HCLS1: variants seen among roughly 807,000 people sequenced by gnomAD.
HCLS1 encodes the protein hematopoietic cell-specific Lyn substrate 1.
A neutral mutation model predicts 68.6 loss-of-function variants in HCLS1; 44 were observed. The ratio of observed to expected loss-of-function variants is 0.64; its 90% confidence interval spans 0.50 to 0.82. The LOEUF (loss-of-function observed/expected upper bound fraction) is 0.82. HCLS1 is among the 40% of genes least tolerant of loss of function. The probability of loss-of-function intolerance (pLI) is 0.00; values close to 1 mark genes in which losing one functional copy is unlikely to be tolerated. For synonymous variants in HCLS1, 217 were observed against 225.8 expected, an observed-to-expected ratio of 0.96 and a Z score of 0.35; for missense variants, 602 against 612.1, an observed-to-expected ratio of 0.98 and a Z score of 0.17.
chr3:121,649,607 G>C (rs1216251560), intron 3 of HCLS1, among the ~76,000 whole-genome samples: 2 of 152,164 alleles, frequency 1.3e-5, no homozygotes, highest in Non-Finnish European at 2.9e-5. Context: ...GTGAGGTACT[G>C]TTAGGCTCTG....
intron 3 of HCLS1, among the ~76,000 whole-genome samples, chr3:121,651,912 A>G (rs1191406685): frequency 4.6e-5 from 7 of 152,248 alleles, no homozygotes; most frequent in Admixed American, 4.6e-4. Context: ...AGAAATAAGG[A>G]TATGTCAACA....
chr3:121,660,351 T>C (rs1042799400), intron 1 of HCLS1, among the ~76,000 whole-genome samples: 4 of 152,318 alleles, frequency 2.6e-5, no homozygotes, highest in African/African-American at 9.6e-5. Flanking sequence ...AGCAGAACAA[T>C]CATGCCTTCT....
At chr3:121,655,630 G>A (rs1937846877) in intron 3 of HCLS1, 1 of 148,010 alleles carries the variant, frequency 6.8e-6, no homozygotes, top group African/African-American at 2.5e-5. Flanking sequence ...ACAATTCCCA[G>A]AATACCAGCG....
chr3:121,655,823 C>CATTTATTTATTT (rs58817111), intron 3 of HCLS1, among the ~76,000 whole-genome samples: 193 of 137,892 alleles, frequency 1.4e-3, no homozygotes, highest in Middle Eastern at 3.6e-3. Flanking sequence ...TAATTGAAAC[C>CATTTATTTATTT]ATTTATTTAT....
chr3:121,657,486 C>T (rs933193498), intron 2 of HCLS1, 134 bp from the exon 3 acceptor site: 2 of 741,166 alleles, frequency 2.7e-6, no homozygotes, highest in East Asian at 2.6e-5. Flanking sequence ...ATTCACATCC[C>T]CTCTATATTT....
intron 1 of HCLS1, among the ~76,000 whole-genome samples, chr3:121,660,204 T>C (rs1238553755): frequency 6.6e-6 from 1 of 152,226 alleles, no homozygotes; most frequent in Non-Finnish European, 1.5e-5. Context: ...ATACTAACTT[T>C]AATAATTTGG....
At chr3:121,636,068 GC>G (rs2049148996) in intron 8 of HCLS1, among the ~76,000 whole-genome samples, 1 of 152,200 alleles carries the variant, frequency 6.6e-6, no homozygotes, top group East Asian at 1.9e-4. Context: ...ATGTAGCAGG[GC>G]CCCCTGGCTC....
intron 6 of HCLS1, among the ~76,000 whole-genome samples, chr3:121,637,762 C>T (rs1576462163): frequency 6.6e-6 from 1 of 152,088 alleles, no homozygotes; most frequent in South Asian, 2.1e-4. Context: ...TGGGGAAACC[C>T]TGTCTCTACT....
At chr3:121,657,431 C>T in intron 2 of HCLS1, 79 bp from the exon 3 acceptor site, 1 of 1,226,466 alleles carries the variant, frequency 8.2e-7, no homozygotes, top group South Asian at 1.2e-5. Context: ...TGACACATGC[C>T]CTCCATGTCC....
In HCLS1 at chr3:121,631,758, A is replaced by G. The variant is rs2049099556; in HGVS notation, c.*88T>C. 7.0e-6 allele frequency: 10 copies of G among 1,424,002 alleles called. No individual in the cohort carries two copies. The highest frequency in any genetic ancestry group is 4.1e-4 in the Middle Eastern group (2 of 4,922). 88.2% of individuals were successfully genotyped at this position (1,424,002 alleles called of 1,614,324 possible). On this transcript the variant is annotated 3_prime_UTR_variant, in exon 14 of 14. Coordinates refer to ENST00000314583, the MANE Select transcript of HCLS1 (RefSeq NM_005335.6). Reference sequence around the variant, plus strand: ...AGTCTGTCCAGAACCTCATCTGGTTAGACATTTGCAGCAGGAATAGGGAGG... The same window carrying G: ...AGTCTGTCCAGAACCTCATCTGGTTGGACATTTGCAGCAGGAATAGGGAGG...
At chr3:121,659,014 A>G (rs904254508) in intron 1 of HCLS1, among the ~76,000 whole-genome samples, 1 of 152,204 alleles carries the variant, frequency 6.6e-6, no homozygotes, top group Non-Finnish European at 1.5e-5. Context: ...TTATTACTCA[A>G]TTTTTTAAAA....
At chr3:121,659,405 C>T (rs1045301047) in intron 1 of HCLS1, among the ~76,000 whole-genome samples, 1 of 152,164 alleles carries the variant, frequency 6.6e-6, no homozygotes, top group African/African-American at 2.4e-5. Flanking sequence ...CCTCAGACAC[C>T]TCATCCCATT....
intron 1 of HCLS1, among the ~76,000 whole-genome samples, chr3:121,659,650 A>G (rs1937949186): frequency 6.6e-6 from 1 of 152,186 alleles, no homozygotes; most frequent in African/African-American, 2.4e-5. Flanking sequence ...GCCGGGAGTC[A>G]TGGCTGAAAG....
chr3:121,648,780 A>T (rs1405037823), intron 3 of HCLS1, among the ~76,000 whole-genome samples: 1 of 152,192 alleles, frequency 6.6e-6, no homozygotes, highest in African/African-American at 2.4e-5. Flanking sequence ...TATGAACCAG[A>T]TGAAATTAAG....
chr3:121,658,642 T>C (rs1461838055), intron 1 of HCLS1, among the ~76,000 whole-genome samples: 1 of 152,194 alleles, frequency 6.6e-6, no homozygotes, highest in African/African-American at 2.4e-5. Context: ...GAGTCAAAAT[T>C]GCTGGAATTG....
rs2108856512 is a variant in HCLS1, at chr3:121,634,234, G to A, written c.876C>T (p.Ala292=). The change falls in exon 10 of 14, where the codon GCC becomes GCT. Residue 292 remains alanine, a synonymous_variant. Coordinates refer to ENST00000314583, the MANE Select transcript of HCLS1 (RefSeq NM_005335.6). ...CTGAGGAGATTTTCTTGGGCAGTGG[G>A]GCCGGTACTGCTGGCTCTTCCATAG... ...VIAMEEPAVP[A]PLPKKISSEA... 1 of 1,614,132 alleles carries A rather than the reference G, an allele frequency of 6.2e-7. No individual in the cohort carries two copies. Among genetic ancestry groups the A allele is most frequent in the Non-Finnish European group, 8.5e-7 (1 of 1,180,024 alleles).
chr3:121,637,025 G>C, intron 7 of HCLS1, 121 bp downstream of exon 7: 1 of 696,566 alleles, frequency 1.4e-6, no homozygotes, highest in Non-Finnish European at 2.6e-6. Flanking sequence ...TTACTGCCCT[G>C]GCACCCCCTG....
rs930127980 is a variant in HCLS1, at chr3:121,658,308, C to T, written c.40G>A (p.Val14Met). 1.7e-5 allele frequency: 27 copies of T among 1,613,806 alleles called. No homozygotes were observed. The highest frequency in any genetic ancestry group is 6.7e-5 in the African/African-American group (5 of 74,846). Residue 14 changes from valine (V) to methionine (M), a missense_variant, in exon 2 of 14, where the codon GTG becomes ATG. Val to Met is a conservative substitution (Grantham distance 21). Coordinates refer to ENST00000314583, the MANE Select transcript of HCLS1 (RefSeq NM_005335.6). ...SVVGHDVSVS[V>M]ETQGDDWDTD... is the part of the protein sequence containing the mutation. ...TCCCAATCATCACCCTGGGTCTCCA[C>T]GGAAACAGACACATCATGGCCCACT...
intron 4 of HCLS1, among the ~76,000 whole-genome samples, chr3:121,646,989 T>TA (rs1937620258): frequency 6.8e-6 from 1 of 146,216 alleles, no homozygotes; most frequent in Admixed American, 6.9e-5. Context: ...TTATTTATTT[T>TA]TTTTTTTTTT....
Sources: gnomAD v4.1 joint callset for allele counts (sites outside exome capture counted in the v4.1 genomes callset) on GRCh38, gnomAD v4.1.1 for gene constraint, MANE v1.5 for transcripts, NCBI Gene and HGNC (gene_info 2026-07-23, HGNC 2026-07-21) for gene names.